CELF2: variants seen among roughly 807,000 people sequenced by gnomAD.
CELF2 encodes the protein CUG triplet repeat RNA-binding protein 2.
CELF2 carries 8 observed loss-of-function variants against 62.6 expected under a neutral mutation model. That is an observed-to-expected ratio of 0.13 (90% confidence interval 0.07 to 0.23). CELF2 has a LOEUF of 0.23. Ranked by LOEUF, CELF2 falls within the 10% of genes least tolerant of loss-of-function variation. The probability of loss-of-function intolerance (pLI) is 1.00; values close to 1 mark genes in which losing one functional copy is unlikely to be tolerated. For missense variants in CELF2, 333 were observed against 671.0 expected (o/e 0.50, Z 5.56); for synonymous variants, 258 against 250.0 (o/e 1.03, Z -0.30).
At chr10:10,887,047 G>T (rs919500379) in intron 1 of CELF2, among the ~76,000 whole-genome samples, 1 of 152,140 alleles carries the variant, frequency 6.6e-6, no homozygotes, top group Non-Finnish European at 1.5e-5. Context: ...AGTCTCTCAT[G>T]CATTAACTCC....
intron 1 of CELF2, among the ~76,000 whole-genome samples, chr10:11,027,823 C>A (rs898997227): frequency 6.6e-6 from 1 of 152,162 alleles, no homozygotes; most frequent in Non-Finnish European, 1.5e-5. Context: ...CAAGATTCCT[C>A]GTCTAGAAAA....
At chr10:11,282,167 C>G (rs1016853225) in intron 8 of CELF2, among the ~76,000 whole-genome samples, 2 of 151,522 alleles carry the variant, frequency 1.3e-5, no homozygotes. Context: ...CTCCCTATCC[C>G]TCCCTCCCTA....
the CELF2 span, among the ~76,000 whole-genome samples, chr10:10,510,191 A>G: frequency 2.0e-5 from 3 of 152,188 alleles, no homozygotes; most frequent in Admixed American, 2.0e-4. Context: ...CTGGATGGAC[A>G]TTTTATCATT....
At chr10:11,035,335 C>G (rs1328481393) in intron 1 of CELF2, among the ~76,000 whole-genome samples, 1 of 152,222 alleles carries the variant, frequency 6.6e-6, no homozygotes, top group Non-Finnish European at 1.5e-5. Context: ...AGATGTCTCT[C>G]TACACCCTTC....
At chr10:11,249,263 G>A in intron 4 of CELF2, 62 bp downstream of exon 4, 2 of 1,412,150 alleles carry the variant, frequency 1.4e-6, no homozygotes, top group Middle Eastern at 1.8e-4. Flanking sequence ...TACAAAGTCA[G>A]TTGGGGGCGG....
the CELF2 span, among the ~76,000 whole-genome samples, chr10:10,780,678 A>G: frequency 2.6e-5 from 4 of 152,154 alleles, no homozygotes. Context: ...ACAGGGTTTC[A>G]CCATGTTGGC....
chr10:11,119,226 T>A (rs1033381036), intron 1 of CELF2, among the ~76,000 whole-genome samples: 1 of 152,228 alleles, frequency 6.6e-6, no homozygotes, highest in African/African-American at 2.4e-5. Context: ...TTGCATAAAC[T>A]TGAGCATATT....
chr10:10,967,809 CA>C (rs1432615616), intron 2 of CELF2, among the ~76,000 whole-genome samples: 1 of 152,048 alleles, frequency 6.6e-6, no homozygotes, highest in Non-Finnish European at 1.5e-5. Flanking sequence ...GGAGTTCGGC[CA>C]AGGGTATGTC....
chr10:10,557,875 C>T, the CELF2 span, among the ~76,000 whole-genome samples: 1 of 143,524 alleles, frequency 7.0e-6, no homozygotes, highest in African/African-American at 2.6e-5. Context: ...GATTTTTGTA[C>T]ATTGATTTTG....
the CELF2 span, among the ~76,000 whole-genome samples, chr10:10,674,652 A>T: frequency 6.6e-6 from 1 of 151,874 alleles, no homozygotes; most frequent in Admixed American, 6.6e-5. Flanking sequence ...ATTTGATATG[A>T]CTCTATTTTC....
chr10:11,053,943 T>A (rs1231987613), intron 1 of CELF2, among the ~76,000 whole-genome samples: 1 of 152,110 alleles, frequency 6.6e-6, no homozygotes, highest in Non-Finnish European at 1.5e-5. Flanking sequence ...TTTTGTCAGT[T>A]CTGTTTATCG....
At chr10:10,950,858 A>C (rs1019836777) in intron 2 of CELF2, among the ~76,000 whole-genome samples, 1 of 152,206 alleles carries the variant, frequency 6.6e-6, no homozygotes, top group African/African-American at 2.4e-5. Context: ...CATCCTTGGC[A>C]TCTGGAAATC....
intron 1 of CELF2, among the ~76,000 whole-genome samples, chr10:11,094,874 G>C (rs1447023822): frequency 6.6e-6 from 1 of 152,160 alleles, no homozygotes; most frequent in African/African-American, 2.4e-5. Flanking sequence ...AAACCTTGAA[G>C]GATACACTGC....
At chr10:10,589,271 A>T in the CELF2 span, among the ~76,000 whole-genome samples, 1 of 152,258 alleles carries the variant, frequency 6.6e-6, no homozygotes, top group Non-Finnish European at 1.5e-5. Flanking sequence ...ATACAGGTTT[A>T]TGGAAGCCAA....
At chr10:10,529,894 T>C in the CELF2 span, among the ~76,000 whole-genome samples, 6 of 152,150 alleles carry the variant, frequency 3.9e-5, no homozygotes, top group African/African-American at 1.4e-4. Context: ...ATCTTTAGGC[T>C]GTGGCTTAGC....
chr10:10,496,203 C>T, the CELF2 span, among the ~76,000 whole-genome samples: 3 of 152,320 alleles, frequency 2.0e-5, no homozygotes, highest in Middle Eastern at 3.4e-3. Context: ...TCTGTACAAT[C>T]CTGAACTCTT....
rs936270993 is a variant in CELF2, at chr10:11,316,959, G to A, written c.1096+2701G>A. 1 of 152,222 alleles carries A rather than the reference G, an allele frequency of 6.6e-6. No homozygotes were observed. Among genetic ancestry groups the A allele is most frequent in the Non-Finnish European group, 1.5e-5 (1 of 68,038 alleles). 9.4% of individuals were successfully genotyped at this position (152,222 alleles called of 1,614,324 possible). A position where few individuals can be genotyped will look rare whatever the true frequency, so the allele number is the denominator to read the frequency against. On this transcript the variant is annotated intron_variant, in intron 10 of 12. Transcript: ENST00000633077. This position sits in a 1 kb window ranked among gnomAD's most constrained non-coding sequence, Gnocchi z 4.4. The stretch of plus-strand genomic sequence containing the variant: ...AAGGAACACATGTGATTGACCATCA[G>A]AGTGTTCACCTCTGGATTTTTTCAG...
At chr10:10,798,489 A>T (rs933773427), upstream of CELF2, 20 of 339,002 alleles carry the variant, frequency 5.9e-5, no homozygotes, top group Non-Finnish European at 2.6e-5. Context: ...TGTGCTTGGA[A>T]TAAAGTGGGC....
intron 1 of CELF2, among the ~76,000 whole-genome samples, chr10:11,064,386 TTTTG>T (rs753038696): frequency 6.6e-6 from 1 of 152,230 alleles, no homozygotes; most frequent in Non-Finnish European, 1.5e-5. Context: ...AAGGAATTAT[TTTTG>T]TTTGTTTGCC....
Sources: gnomAD v4.1 joint callset for allele counts (sites outside exome capture counted in the v4.1 genomes callset) on GRCh38, gnomAD v4.1.1 for gene constraint, Gnocchi (gnomAD v3.1) non-coding constraint, MANE v1.5 for transcripts, NCBI Gene and HGNC (gene_info 2026-07-23, HGNC 2026-07-21) for gene names.